ZNF267: variants seen among roughly 807,000 people sequenced by gnomAD.
ZNF267 encodes the protein zinc finger (C2H2).
A neutral mutation model predicts 71.6 loss-of-function variants in ZNF267; 61 were observed. The ratio of observed to expected loss-of-function variants is 0.85; its 90% CI spans 0.69 to 1.05. ZNF267 has a LOEUF of 1.05. Ranked by LOEUF, ZNF267 falls within the 50% of genes least tolerant of loss-of-function variation. ZNF267 has a pLI of 0.00. For missense variants in ZNF267, 852 were observed against 870.0 expected, an observed-to-expected ratio of 0.98 and a Z score of 0.26; for synonymous variants, 288 against 293.2, an observed-to-expected ratio of 0.98 and a Z score of 0.18.
At chr16:31,904,029 T>A (rs1596626273) in intron 3 of ZNF267, among the ~76,000 whole-genome samples, 2 of 152,372 alleles carry the variant, frequency 1.3e-5, no homozygotes, top group Admixed American at 1.3e-4. Context: ...TATTTATGTC[T>A]TCATTTCGTT....
rs2142365269 is a variant in ZNF267, at chr16:31,915,621, C to T, written c.1372C>T (p.His458Tyr). Residue 458 changes from histidine to tyrosine, a missense_variant, in exon 4 of 4, where the codon CAT (histidine) becomes TAT (tyrosine). Transcript: ENST00000300870. ...SSCLTQHQTT[H>Y]TGEKLYKCKV... is the part of the protein sequence containing the mutation. ...ATGCCTTACTCAACATCAGACAACT[C>T]ATACAGGAGAAAAACTTTACAAATG... 2 of 1,613,792 alleles carry T rather than the reference C, an allele frequency of 1.2e-6. No homozygotes were observed. Among genetic ancestry groups the T allele is most frequent in the African/African-American group, 1.3e-5 (1 of 75,018 alleles).
Position 31,910,540 on chromosome 16 carries a change from T to A in ZNF267, c.227-3936T>A, listed in dbSNP as rs149834918. ...GATTTTCCAATTAGTTGGCATACAG[T>A]TGTTAATAATAGCCACTAATAATCT... is the stretch of plus-strand genomic sequence containing the variant. On this transcript the variant is annotated intron_variant, in intron 3 of 3. Coordinates refer to ENST00000300870, the MANE Select transcript of ZNF267 (RefSeq NM_003414.6). 2.0e-3 allele frequency among the ~76,000 whole-genome samples: 308 copies of A among 151,824 alleles called. 16 individuals are homozygous for A. The highest frequency in any genetic ancestry group is 7.1e-3 in the African/African-American group (291 of 41,166).
intron 3 of ZNF267, chr16:31,912,181 C>G (rs2084140722): frequency 6.6e-6 from 1 of 151,632 alleles, no homozygotes; most frequent in Admixed American, 6.6e-5. Context: ...CATTAACATT[C>G]TTTTCTTACA....
chr16:31,915,011 T>C lies in ZNF267; in HGVS notation c.762T>C (p.Leu254=). 6.2e-7 allele frequency: 1 copy of C among 1,609,288 alleles called. No homozygotes were observed. The highest frequency in any genetic ancestry group is 1.3e-5 in the African/African-American group (1 of 74,660). ...YKCKEFEEVF[L]QSMHGQEKQE... ...GTAAAGAATTTGAGGAAGTCTTTCT[T>C]CAGAGTATGCATGGGCAAGAGAAAC... The change falls in exon 4 of 4, where the codon CTT becomes CTC. Residue 254 remains leucine, a synonymous_variant. Transcript: ENST00000300870.
intron 3 of ZNF267, chr16:31,912,438 T>C (rs1418837877): frequency 6.6e-6 from 1 of 151,880 alleles, no homozygotes; most frequent in East Asian, 1.9e-4. Flanking sequence ...CATTGTATGC[T>C]GTTTCTTTTT....
At chr16:31,878,191 G>A (rs1951726561) in intron 1 of ZNF267, among the ~76,000 whole-genome samples, 1 of 152,188 alleles carries the variant, frequency 6.6e-6, no homozygotes, top group African/African-American at 2.4e-5. Flanking sequence ...ACCTCACAGA[G>A]GCCTGGGCTG....
At chr16:31,894,061 A>G (rs1677325453) in intron 3 of ZNF267, among the ~76,000 whole-genome samples, 1 of 152,252 alleles carries the variant, frequency 6.6e-6, no homozygotes, top group South Asian at 2.1e-4. Context: ...ATGATCAGCA[A>G]GCCTGCCACT....
chr16:31,885,301 G>C, intron 3 of ZNF267, 45 bp downstream of exon 3: 1 of 1,542,364 alleles, frequency 6.5e-7, no homozygotes, highest in Non-Finnish European at 8.8e-7. Context: ...GAGAGGTCCA[G>C]AAGTCAAGAA....
At chr16:31,913,616 C>T (rs2084150879) in intron 3 of ZNF267, 1 of 152,190 alleles carries the variant, frequency 6.6e-6, no homozygotes, top group Non-Finnish European at 1.5e-5. Flanking sequence ...CCTTATTTAT[C>T]TCGTGTTCTA....
chr16:31,874,078 T>C, intron 1 of ZNF267, 109 bp downstream of exon 1: 5 of 1,289,600 alleles, frequency 3.9e-6, no homozygotes, highest in Non-Finnish European at 5.5e-6. Context: ...CCTCGGGGTC[T>C]GGGCCCCGAG....
At chr16:31,878,059 C>T (rs577939511) in intron 1 of ZNF267, among the ~76,000 whole-genome samples, 9 of 152,170 alleles carry the variant, frequency 5.9e-5, no homozygotes, top group South Asian at 4.2e-4. Context: ...GGGACTGAGC[C>T]GAGAACTTGT....
intron 1 of ZNF267, among the ~76,000 whole-genome samples, chr16:31,876,187 C>T (rs1370246549): frequency 6.6e-6 from 1 of 152,010 alleles, no homozygotes; most frequent in East Asian, 1.9e-4. Flanking sequence ...TATCTTTGTT[C>T]TTTATCCTCT....
chr16:31,906,539 C>T (rs1273291103), intron 3 of ZNF267, among the ~76,000 whole-genome samples: 18 of 152,160 alleles, frequency 1.2e-4, no homozygotes, highest in Non-Finnish European at 5.9e-5. Context: ...GCTGTGCCAG[C>T]AATCAGTGAG....
intron 1 of ZNF267, among the ~76,000 whole-genome samples, chr16:31,875,700 C>A (rs541078433): frequency 3.0e-4 from 45 of 152,282 alleles, no homozygotes; most frequent in African/African-American, 1.1e-3. Flanking sequence ...GATACCGTGA[C>A]CTGACTTGAC....
chr16:31,889,697 T>A (rs900762044), intron 3 of ZNF267, among the ~76,000 whole-genome samples: 3 of 152,170 alleles, frequency 2.0e-5, no homozygotes, highest in Admixed American at 1.3e-4. Context: ...GAACAGGCAG[T>A]CACATGGCAA....
At chr16:31,897,382 T>A (rs746671292) in intron 3 of ZNF267, among the ~76,000 whole-genome samples, 27 of 152,152 alleles carry the variant, frequency 1.8e-4, no homozygotes, top group Non-Finnish European at 3.2e-4. Context: ...TTCCTCATTG[T>A]GTGTTCTTAG....
At chr16:31,910,023 C>G (rs1039947623) in intron 3 of ZNF267, among the ~76,000 whole-genome samples, 11 of 152,120 alleles carry the variant, frequency 7.2e-5, no homozygotes, top group African/African-American at 2.7e-4. Context: ...TTGAAATGAT[C>G]ATATGATTTT....
chr16:31,887,016 CTCTTAATATT>C (rs1403451050), intron 3 of ZNF267, among the ~76,000 whole-genome samples: 4 of 152,126 alleles, frequency 2.6e-5, no homozygotes, highest in Non-Finnish European at 4.4e-5. Flanking sequence ...CACACTCTGA[CTCTTAATATT>C]TCTTGACTCT....
At chr16:31,878,412 A>T (rs1489642142) in intron 1 of ZNF267, among the ~76,000 whole-genome samples, 2 of 152,132 alleles carry the variant, frequency 1.3e-5, no homozygotes, top group African/African-American at 4.8e-5. Flanking sequence ...CTAGGCATTG[A>T]CATGTCCCCG....
Sources: allele counts gnomAD v4.1 joint callset (sites outside exome capture counted in the v4.1 genomes callset), GRCh38; gene constraint gnomAD v4.1.1; transcripts MANE v1.5; gene names NCBI Gene and HGNC (gene_info 2026-07-23, HGNC 2026-07-21).